The following EMX1 variants were observed in gnomAD, a reference collection of about 807,000 sequenced individuals.
EMX1 encodes the protein homeobox protein EMX1.
A neutral mutation model predicts 20.1 loss-of-function variants in EMX1; 10 were observed. The ratio of observed to expected loss-of-function variants is 0.50; its 90% CI spans 0.31 to 0.84. The LOEUF (loss-of-function observed/expected upper bound fraction) is 0.84. Among genes scored for constraint, EMX1 ranks in the 40% least tolerant of loss-of-function variants. The pLI is 0.05. For missense variants in EMX1, 424 were observed against 431.9 expected, an observed-to-expected ratio of 0.98 and a Z score of 0.16; for synonymous variants, 250 against 200.4, an observed-to-expected ratio of 1.25 and a Z score of -2.09.
rs748487625 is a variant in EMX1, at chr2:72,918,198, G to A, written c.346G>A (p.Glu116Lys). 122 of 1,558,144 alleles carry A rather than the reference G, an allele frequency of 7.8e-5. No individual in the cohort carries two copies. Among genetic ancestry groups the A allele is most frequent in the Non-Finnish European group, 1.0e-4 (116 of 1,164,670 alleles). Residue 116 changes from glutamate to lysine, a missense_variant, in exon 1 of 3, where the codon GAG becomes AAG. Physicochemically the swap from Glu to Lys is moderately conservative, Grantham distance 56. Around this residue, in one of 2 missense-constraint regions of EMX1, gnomAD observed 333 missense variants for 296.6 expected, o/e 1.12. Transcript: ENST00000258106. The stretch of plus-strand genomic sequence containing the variant: ...GGGCCGCTCGCTCTACGGTGGGCCC[G>A]AGCTCGTGTTCCCCGAGGCCATGAA... ...GAGRSLYGGPELVFPEAMNHP... is the reference protein window; with the variant it reads ...GAGRSLYGGPKLVFPEAMNHP...
At chr2:72,921,486 G>C (rs1293473716) in intron 1 of EMX1, among the ~76,000 whole-genome samples, 1 of 152,124 alleles carries the variant, frequency 6.6e-6, no homozygotes, top group Admixed American at 6.5e-5. Flanking sequence ...CGGGGGGCGG[G>C]GCGGTACAGG....
intron 1 of EMX1, chr2:72,923,960 C>T: frequency 4.9e-6 from 2 of 409,866 alleles, no homozygotes; most frequent in South Asian, 2.9e-5. Flanking sequence ...ACTTTTCTTC[C>T]CCACCCCTTG....
chr2:72,920,763 A>G (rs546694214), intron 1 of EMX1, among the ~76,000 whole-genome samples: 3 of 152,370 alleles, frequency 2.0e-5, no homozygotes, highest in South Asian at 2.1e-4. Context: ...GGAATCGTCC[A>G]GGACTCCGAA....
chr2:72,918,287 C>A lies in EMX1; in HGVS notation c.435C>A (p.His145Gln). ...QLGASPLQPPHSFFGAQHRDP... is the reference protein window; with the variant it reads ...QLGASPLQPPQSFFGAQHRDP... ...GCGCCTCCCCGCTGCAGCCCCCGCACTCCTTCTTCGGCGCCCAGCACCGGG... is the reference window on the plus strand; with the variant it reads ...GCGCCTCCCCGCTGCAGCCCCCGCAATCCTTCTTCGGCGCCCAGCACCGGG... Residue 145 changes from histidine to glutamine, a missense_variant, in exon 1 of 3, where the codon CAC becomes CAA. By Grantham distance (24) the His-to-Gln change is conservative (BLOSUM62 0). Around this residue, in one of 2 missense-constraint regions of EMX1, gnomAD observed 333 missense variants for 296.6 expected, o/e 1.12. Transcript: ENST00000258106. 6.3e-7 allele frequency: 1 copy of A among 1,576,044 alleles called. No individual in the cohort carries two copies. The highest frequency in any genetic ancestry group is 8.5e-7 in the Non-Finnish European group (1 of 1,171,758).
At chr2:72,922,199 T>G (rs1451739268) in intron 1 of EMX1, among the ~76,000 whole-genome samples, 1 of 152,242 alleles carries the variant, frequency 6.6e-6, no homozygotes, top group East Asian at 1.9e-4. Flanking sequence ...AGGAAACCAC[T>G]GTTGGGACTT....
At chr2:72,925,494 G>A (rs1671182473) in intron 2 of EMX1, 1 of 1,288,996 alleles carries the variant, frequency 7.8e-7, no homozygotes, top group Non-Finnish European at 1.0e-6. Context: ...TGCCCTGGAG[G>A]TGGATTTCAG....
At position 72,917,829 on chromosome 2, in the gene EMX1, G is replaced by A; in HGVS notation, c.-24G>A. On this transcript the variant is annotated 5_prime_UTR_variant, in exon 1 of 3. Coordinates refer to ENST00000258106, the MANE Select transcript of EMX1 (RefSeq NM_004097.3). Reference sequence around the variant, plus strand: ...CGAGCGCGAGCGGGCGGGCGGGGGAGGTGAGGGGTGCGGGCGGGTGTGCAT... The same window carrying A: ...CGAGCGCGAGCGGGCGGGCGGGGGAAGTGAGGGGTGCGGGCGGGTGTGCAT... 3.8e-6 allele frequency: 5 copies of A among 1,332,030 alleles called. No homozygotes were observed. The highest frequency in any genetic ancestry group is 2.0e-5 in the South Asian group (1 of 50,210). The allele number at this position is 1,332,030 out of a possible 1,614,324, so 82.5% of individuals were successfully genotyped here.
chr2:72,917,806 A>G lies in EMX1; in HGVS notation c.-47A>G. On this transcript the variant is annotated 5_prime_UTR_variant, in exon 1 of 3. Coordinates refer to ENST00000258106, the MANE Select transcript of EMX1 (RefSeq NM_004097.3). ...GCGCCTGGCTCGCCCGCGGGGGCCGAGCGCGAGCGGGCGGGCGGGGGAGGT... is the reference window on the plus strand; with the variant it reads ...GCGCCTGGCTCGCCCGCGGGGGCCGGGCGCGAGCGGGCGGGCGGGGGAGGT... 1 of 1,267,954 alleles carries G rather than the reference A, an allele frequency of 7.9e-7. No homozygotes were observed. The highest frequency in any genetic ancestry group is 9.9e-7 in the Non-Finnish European group (1 of 1,009,596). 78.5% of individuals were successfully genotyped at this position (1,267,954 alleles called of 1,614,324 possible).
chr2:72,919,531 C>T (rs1671063826), intron 1 of EMX1, among the ~76,000 whole-genome samples: 1 of 152,184 alleles, frequency 6.6e-6, no homozygotes, highest in Non-Finnish European at 1.5e-5. Context: ...TCTAGGTCTA[C>T]AGTCAATTAG....
In EMX1 at chr2:72,920,170, G is replaced by C. The variant is rs1671075174; in HGVS notation, c.520+1798G>C. Among the ~76,000 whole-genome samples the C allele has an allele frequency of 2.0e-5, 3 of 152,174 alleles. No individual in the cohort carries two copies. The South Asian group carries it at 6.2e-4, about 31-fold the overall frequency. ...CCTCCGCACCGCGGTTCCTGCCTCC[G>C]GGCGCCGAGGGCCGGGGGCGCCTGG... is the stretch of plus-strand genomic sequence containing the variant. On this transcript the variant is annotated intron_variant, in intron 1 of 2. Transcript: ENST00000258106.
chr2:72,923,780 T>G (rs1671142521), intron 1 of EMX1: 1 of 192,730 alleles, frequency 5.2e-6, no homozygotes, highest in Non-Finnish European at 1.1e-5. Flanking sequence ...TTGGCAAAGG[T>G]GTGCCTAGCA....
chr2:72,916,703 C>A (rs1302615454), upstream of EMX1: 1 of 717,308 alleles, frequency 1.4e-6, no homozygotes, highest in Non-Finnish European at 2.6e-6. Flanking sequence ...GGCTACTTGG[C>A]CAGCTTCAAT....
At chr2:72,928,825 G>A (rs1044990147) in intron 2 of EMX1, among the ~76,000 whole-genome samples, 26 of 152,170 alleles carry the variant, frequency 1.7e-4, no homozygotes, top group African/African-American at 5.8e-4. Flanking sequence ...GGATAGAAAC[G>A]CTTGAGAAGA....
intron 2 of EMX1, among the ~76,000 whole-genome samples, chr2:72,929,469 G>A (rs949216996): frequency 1.3e-5 from 2 of 152,192 alleles, no homozygotes; most frequent in Non-Finnish European, 2.9e-5. Flanking sequence ...GATTGGGCTT[G>A]ACCTTGAGAG....
intron 2 of EMX1, among the ~76,000 whole-genome samples, chr2:72,931,888 G>A (rs1671291578): frequency 6.6e-6 from 1 of 152,254 alleles, no homozygotes; most frequent in African/African-American, 2.4e-5. Context: ...ATGGCGCAGT[G>A]GAAGTTCTGG....
intron 2 of EMX1, chr2:72,925,713 G>C (rs951120893): frequency 2.0e-5 from 20 of 985,340 alleles, no homozygotes; most frequent in Non-Finnish European, 2.3e-5. Context: ...AGTAGGAAGG[G>C]GGCTTAGTGA....
chr2:72,934,184 C>A lies in EMX1; in HGVS notation c.*230C>A. ...TCCTCGGAGAGCCTGCCTGCCTGGGCGGGCCCGCCCGCCACCGCAGCCTCC... is the reference window on the plus strand; with the variant it reads ...TCCTCGGAGAGCCTGCCTGCCTGGGAGGGCCCGCCCGCCACCGCAGCCTCC... On this transcript the variant is annotated 3_prime_UTR_variant, in exon 3 of 3. Coordinates refer to ENST00000258106, the MANE Select transcript of EMX1 (RefSeq NM_004097.3). The A allele has an allele frequency of 1.9e-6, 1 of 528,920 alleles. No individual in the cohort carries two copies. The highest frequency in any genetic ancestry group is 3.2e-6 in the Non-Finnish European group (1 of 307,966). 32.8% of individuals were successfully genotyped at this position (528,920 alleles called of 1,614,324 possible). A position where few individuals can be genotyped will look rare whatever the true frequency, so the allele number is the denominator to read the frequency against.
intron 2 of EMX1, chr2:72,925,651 G>C (rs1671188847): frequency 9.4e-6 from 11 of 1,165,622 alleles, no homozygotes; most frequent in Non-Finnish European, 1.2e-5. Context: ...GTCCCGGGCA[G>C]TGAGAAGATG....
chr2:72,921,483 C>A (rs551691803), intron 1 of EMX1, among the ~76,000 whole-genome samples: 11 of 152,124 alleles, frequency 7.2e-5, no homozygotes, highest in Non-Finnish European at 1.0e-4. Flanking sequence ...GGTCGGGGGG[C>A]GGGGCGGTAC....
Sources: allele counts gnomAD v4.1 joint callset (sites outside exome capture counted in the v4.1 genomes callset), GRCh38; gene constraint gnomAD v4.1.1; regional missense constraint gnomAD v4.1.1; transcripts MANE v1.5; gene names NCBI Gene and HGNC (gene_info 2026-07-23, HGNC 2026-07-21).